Variants in GSK3B observed in about 807,000 individuals in gnomAD.
GSK3B encodes the protein glycogen synthase kinase-3 beta.
In GSK3B, 15 loss-of-function variants were observed where a neutral mutation model predicts 56.4. That is an observed-to-expected ratio of 0.27 (90% CI 0.18 to 0.41). The LOEUF (loss-of-function observed/expected upper bound fraction) is 0.41, where lower values mean the gene tolerates loss of function less well. Among genes scored for constraint, GSK3B ranks in the 10% least tolerant of loss-of-function variants. The pLI is 1.00. For synonymous variants in GSK3B, 181 were observed against 188.9 expected, an observed-to-expected ratio of 0.96 and a Z score of 0.34; for missense variants, 300 against 513.4, an observed-to-expected ratio of 0.58 and a Z score of 4.02.
At chr3:120,002,700 A>G (rs1005399023) in intron 1 of GSK3B, among the ~76,000 whole-genome samples, 2 of 152,192 alleles carry the variant, frequency 1.3e-5, no homozygotes, top group African/African-American at 4.8e-5. Flanking sequence ...TACTTCAATT[A>G]CTTGTTTCAA....
chr3:119,999,410 A>C (rs1355457593), intron 2 of GSK3B, among the ~76,000 whole-genome samples: 2 of 152,198 alleles, frequency 1.3e-5, no homozygotes, highest in East Asian at 3.8e-4. Context: ...AGTTAATTTA[A>C]AATTTCTTTG....
At chr3:119,883,443 A>G (rs1454140615) in intron 7 of GSK3B, among the ~76,000 whole-genome samples, 3 of 150,108 alleles carry the variant, frequency 2.0e-5, no homozygotes, top group African/African-American at 7.3e-5. Flanking sequence ...CAAAAAAATT[A>G]TTAAAAAAAA....
chr3:119,988,454 T>C (rs1450419987), intron 2 of GSK3B, among the ~76,000 whole-genome samples: 1 of 152,244 alleles, frequency 6.6e-6, no homozygotes, highest in African/African-American at 2.4e-5. Context: ...AAATCTGTTT[T>C]CTTTTGTAAC....
At chr3:119,891,141 A>C (rs2056496970) in intron 7 of GSK3B, among the ~76,000 whole-genome samples, 1 of 151,864 alleles carries the variant, frequency 6.6e-6, no homozygotes. Context: ...GGGATTCAGG[A>C]AAGGTTCTGG....
At chr3:119,965,652 C>T (rs1178118351) in intron 2 of GSK3B, among the ~76,000 whole-genome samples, 1 of 152,088 alleles carries the variant, frequency 6.6e-6, no homozygotes. Context: ...AAACACTTTC[C>T]ATCTACCTAG....
At chr3:119,874,376 T>C (rs186173249) in intron 8 of GSK3B, among the ~76,000 whole-genome samples, 3 of 152,042 alleles carry the variant, frequency 2.0e-5, no homozygotes, top group Admixed American at 2.0e-4. Flanking sequence ...CAATAACTAA[T>C]AATAAAATAG....
intron 10 of GSK3B, among the ~76,000 whole-genome samples, chr3:119,836,696 T>G (rs2055695848): frequency 6.6e-6 from 1 of 152,164 alleles, no homozygotes; most frequent in African/African-American, 2.4e-5. Context: ...ATGGGCATTT[T>G]AAAGGTTGGT....
intron 1 of GSK3B, among the ~76,000 whole-genome samples, chr3:120,045,836 C>A (rs761162523): frequency 2.4e-4 from 36 of 152,232 alleles, no homozygotes; most frequent in Non-Finnish European, 5.0e-4. Context: ...ACCAAGATGT[C>A]TTTCAATAGG....
At chr3:120,059,754 C>T (rs34740713) in intron 1 of GSK3B, among the ~76,000 whole-genome samples, 2,716 of 152,282 alleles carry the variant, frequency 0.018, 43 homozygotes, top group Non-Finnish European at 0.027. Flanking sequence ...TTTAGCAATA[C>T]TTAATAAGCA....
intron 8 of GSK3B, among the ~76,000 whole-genome samples, chr3:119,869,083 G>A (rs2056218749): frequency 6.6e-6 from 1 of 151,472 alleles, no homozygotes; most frequent in Non-Finnish European, 1.5e-5. Flanking sequence ...AATTAGCCAG[G>A]TGTAGTGGTG....
intron 9 of GSK3B, among the ~76,000 whole-genome samples, chr3:119,847,465 A>G (rs1165829791): frequency 6.6e-6 from 1 of 152,120 alleles, no homozygotes; most frequent in Non-Finnish European, 1.5e-5. Flanking sequence ...GGGCGACAAG[A>G]GCGAAACTCC....
chr3:119,961,920 C>T (rs1278761484), intron 2 of GSK3B, among the ~76,000 whole-genome samples: 10 of 152,112 alleles, frequency 6.6e-5, no homozygotes, highest in African/African-American at 2.4e-4. Flanking sequence ...CACCTGCAGG[C>T]CAACATAGGT....
intron 1 of GSK3B, among the ~76,000 whole-genome samples, chr3:120,035,944 T>C (rs1465350432): frequency 6.6e-6 from 1 of 152,224 alleles, no homozygotes; most frequent in East Asian, 1.9e-4. Context: ...TTCTTCCTTA[T>C]CACTCTGATG....
Position 120,061,536 on chromosome 3 carries a change from T to G in GSK3B, c.88+31811A>C, listed in dbSNP as rs2058236820. 2.0e-5 allele frequency among the ~76,000 whole-genome samples: 3 copies of G among 152,188 alleles called. No homozygotes were observed. In the South Asian group the frequency reaches 6.2e-4, roughly 32 times the overall value. On this transcript the variant is annotated intron_variant, in intron 1 of 10. Transcript: ENST00000264235. ...AGGAGTGTTAAGAAGATTAAATAAA[T>G]GTAATGTCTGGCACAAAAGAAACAC...
chr3:119,976,777 AAAAAAAAAT>A (rs1345337387), intron 2 of GSK3B, among the ~76,000 whole-genome samples: 1 of 151,596 alleles, frequency 6.6e-6, no homozygotes, highest in African/African-American at 2.4e-5. Context: ...AAAAAAAAAA[AAAAAAAAAT>A]AGAAAGGTTT....
intron 8 of GSK3B, chr3:119,866,583 T>G (rs779842167): frequency 1.3e-6 from 2 of 1,594,420 alleles, no homozygotes; most frequent in Admixed American, 1.7e-5. Context: ...AAAAATTAAG[T>G]ACATACCCGC....
intron 1 of GSK3B, among the ~76,000 whole-genome samples, chr3:120,060,548 G>A (rs1039452121): frequency 3.9e-5 from 6 of 151,966 alleles, no homozygotes; most frequent in Admixed American, 2.6e-4. Context: ...GCAACATAGG[G>A]AGACCCCGTC....
At chr3:120,022,109 C>G (rs2057883672) in intron 1 of GSK3B, among the ~76,000 whole-genome samples, 1 of 152,162 alleles carries the variant, frequency 6.6e-6, no homozygotes, top group African/African-American at 2.4e-5. Context: ...AAGGAAGAGT[C>G]AATTAATCCA....
chr3:119,964,507 T>C (rs1406441002), intron 2 of GSK3B, among the ~76,000 whole-genome samples: 1 of 152,018 alleles, frequency 6.6e-6, no homozygotes, highest in Non-Finnish European at 1.5e-5. Context: ...GCAAAATAAG[T>C]TAGTCACAGA....
Sources: allele counts gnomAD v4.1 joint callset (sites outside exome capture counted in the v4.1 genomes callset), GRCh38; gene constraint gnomAD v4.1.1; transcripts MANE v1.5; gene names NCBI Gene and HGNC (gene_info 2026-07-23, HGNC 2026-07-21).